The following ENAH variants were observed in gnomAD, a reference collection of about 807,000 sequenced individuals.
ENAH encodes ENAH actin regulator, also known as protein enabled homolog.
A neutral mutation model predicts 78.7 loss-of-function variants in ENAH; 23 were observed. The ratio of observed to expected loss-of-function variants is 0.29; its 90% confidence interval spans 0.21 to 0.41. The LOEUF (loss-of-function observed/expected upper bound fraction) is 0.41, where lower values mean the gene tolerates loss of function less well. ENAH is among the 10% of genes least tolerant of loss of function. The probability of loss-of-function intolerance (pLI) is 1.00; values close to 1 mark genes in which losing one functional copy is unlikely to be tolerated. For synonymous variants in ENAH, 226 were observed against 241.0 expected (o/e 0.94, Z 0.58); for missense variants, 544 against 691.0 (o/e 0.79, Z 2.39).
intron 2 of ENAH, among the ~76,000 whole-genome samples, chr1:225,566,735 C>T (rs2096736767): frequency 1.3e-5 from 2 of 152,138 alleles, no homozygotes; most frequent in African/African-American, 4.8e-5. Context: ...AAATCCAGAG[C>T]GAGGAATTAG....
chr1:225,572,651 C>G (rs1241045035), intron 1 of ENAH, among the ~76,000 whole-genome samples: 1 of 152,172 alleles, frequency 6.6e-6, no homozygotes, highest in Non-Finnish European at 1.5e-5. Context: ...AGCAATGCAT[C>G]ATTTTACTAC....
At chr1:225,614,492 G>C (rs750465897) in intron 1 of ENAH, among the ~76,000 whole-genome samples, 2 of 152,222 alleles carry the variant, frequency 1.3e-5, no homozygotes, top group African/African-American at 2.4e-5. Flanking sequence ...GCACTTGGAT[G>C]TGTTCTTGCT....
At chr1:225,621,291 T>G (rs1656851166) in intron 1 of ENAH, among the ~76,000 whole-genome samples, 1 of 150,732 alleles carries the variant, frequency 6.6e-6, no homozygotes, top group Admixed American at 6.6e-5. Context: ...TTTAAATCTA[T>G]CTCTCTTTTT....
At chr1:225,521,813 C>T (rs918664651) in intron 4 of ENAH, among the ~76,000 whole-genome samples, 2 of 151,936 alleles carry the variant, frequency 1.3e-5, no homozygotes, top group South Asian at 2.1e-4. Context: ...TTTTCTTCCC[C>T]GAGACAGAGT....
At chr1:225,545,654 A>G (rs2151360200) in intron 3 of ENAH, among the ~76,000 whole-genome samples, 1 of 152,284 alleles carries the variant, frequency 6.6e-6, no homozygotes, top group African/African-American at 2.4e-5. Flanking sequence ...AGATTATTTC[A>G]ATTGCTTTTG....
At chr1:225,536,391 A>T (rs994564530) in intron 3 of ENAH, among the ~76,000 whole-genome samples, 10 of 149,556 alleles carry the variant, frequency 6.7e-5, no homozygotes, top group African/African-American at 1.7e-4. Context: ...ACAAAAGTAA[A>T]TTTTTTTTTT....
chr1:225,647,413 G>T (rs1244529845), intron 1 of ENAH, among the ~76,000 whole-genome samples: 1 of 152,070 alleles, frequency 6.6e-6, no homozygotes, highest in Non-Finnish European at 1.5e-5. Flanking sequence ...AGTAAACATG[G>T]TATCCTCCAA....
intron 1 of ENAH, among the ~76,000 whole-genome samples, chr1:225,614,148 T>C (rs1260292168): frequency 1.3e-5 from 2 of 151,942 alleles, no homozygotes; most frequent in Non-Finnish European, 2.9e-5. Context: ...AACCTCCACC[T>C]ACTGGGTTCA....
At chr1:225,554,512 T>C (rs989339053) in intron 3 of ENAH, among the ~76,000 whole-genome samples, 12 of 152,170 alleles carry the variant, frequency 7.9e-5, no homozygotes, top group African/African-American at 2.9e-4. Context: ...AAAATGTCTT[T>C]CAGAAAACAT....
At chr1:225,631,505 C>T (rs1026884957) in intron 1 of ENAH, among the ~76,000 whole-genome samples, 1 of 145,872 alleles carries the variant, frequency 6.9e-6, no homozygotes, top group Non-Finnish European at 1.5e-5. Context: ...ACTTGGAAGG[C>T]GGAGGTTGCG....
At chr1:225,548,935 C>T (rs763000537) in intron 3 of ENAH, among the ~76,000 whole-genome samples, 1 of 151,690 alleles carries the variant, frequency 6.6e-6, no homozygotes, top group Non-Finnish European at 1.5e-5. Context: ...CTGCAACCTC[C>T]GCCTCCCGGG....
chr1:225,531,551 G>C (rs1025064255), intron 3 of ENAH, among the ~76,000 whole-genome samples: 1 of 152,066 alleles, frequency 6.6e-6, no homozygotes, highest in African/African-American at 2.4e-5. Flanking sequence ...TAAAGAAACA[G>C]TAGTTATCTT....
intron 1 of ENAH, among the ~76,000 whole-genome samples, chr1:225,572,521 T>C (rs1015799096): frequency 2.3e-4 from 35 of 152,220 alleles, no homozygotes; most frequent in African/African-American, 8.2e-4. Context: ...GCAGATTTTG[T>C]TTTCTCCCCG....
At chr1:225,647,344 A>G (rs17503792) in intron 1 of ENAH, among the ~76,000 whole-genome samples, 6,355 of 152,320 alleles carry the variant, frequency 0.042, 212 homozygotes, top group South Asian at 0.1. Flanking sequence ...CTTTGGTCAA[A>G]GAGACTTAAA....
intron 1 of ENAH, among the ~76,000 whole-genome samples, chr1:225,579,207 T>G (rs2096802386): frequency 6.6e-6 from 1 of 152,114 alleles, no homozygotes; most frequent in East Asian, 1.9e-4. Context: ...ACCACTCTAC[T>G]AAAAAAAGAA....
chr1:225,496,200 A>AGGATTTCTCGTT lies in ENAH; in HGVS notation c.*1574_*1575insAACGAGAAATCC, dbSNP rs2096249090. 6.6e-6 allele frequency: 1 copy of AGGATTTCTCGTT among 152,656 alleles called. No individual in the cohort carries two copies. The highest frequency in any genetic ancestry group is 2.1e-4 in the South Asian group (1 of 4,836). The allele number at this position is 152,656 out of a possible 1,614,324, so 9.5% of individuals were successfully genotyped here. A position where few individuals can be genotyped will look rare whatever the true frequency, so the allele number is the denominator to read the frequency against. On this transcript the variant is annotated 3_prime_UTR_variant, in exon 14 of 14. Transcript: ENST00000366843. Reference sequence around the variant, plus strand: ...CCAAAAAGCTATCATTCCAACATGTAGGATTTCTCCCCTATTTTAACCTTA... The same window carrying AGGATTTCTCGTT: ...CCAAAAAGCTATCATTCCAACATGTAGGATTTCTCGTTGGATTTCTCCCCTATTTTAACCTTA...
intron 3 of ENAH, among the ~76,000 whole-genome samples, chr1:225,554,143 T>A (rs1328029339): frequency 1.3e-5 from 2 of 152,184 alleles, no homozygotes; most frequent in East Asian, 3.8e-4. Flanking sequence ...ATCATTAAAA[T>A]CATTACTAAA....
chr1:225,548,183 A>G (rs1376528464), intron 3 of ENAH, among the ~76,000 whole-genome samples: 2 of 151,408 alleles, frequency 1.3e-5, no homozygotes, highest in Non-Finnish European at 2.9e-5. Context: ...TTTTCCTCTA[A>G]GTTAATCCAT....
intron 2 of ENAH, among the ~76,000 whole-genome samples, chr1:225,563,167 G>A (rs1405838876): frequency 6.6e-6 from 1 of 152,152 alleles, no homozygotes; most frequent in African/African-American, 2.4e-5. Context: ...TGAAAATCTT[G>A]TTAGTTCTAA....
Sources: allele counts gnomAD v4.1 joint callset (sites outside exome capture counted in the v4.1 genomes callset), GRCh38; gene constraint gnomAD v4.1.1; transcripts MANE v1.5; gene names NCBI Gene and HGNC (gene_info 2026-07-23, HGNC 2026-07-21).